Variants in DLC1 observed in about 807,000 individuals in gnomAD.
DLC1 encodes rho GTPase-activating protein 7.
Under a neutral mutation model 140.3 loss-of-function variants are expected in DLC1, and 54 were observed. The ratio of observed to expected loss-of-function variants is 0.38; its 90% CI spans 0.31 to 0.48. DLC1 has a LOEUF of 0.48. Among genes scored for constraint, DLC1 ranks in the 20% least tolerant of loss-of-function variants. DLC1 has a pLI of 0.96. For missense variants in DLC1, 2,536 were observed against 1,907.0 expected, an observed-to-expected ratio of 1.33 and a Z score of -6.14; for synonymous variants, 986 against 728.1, an observed-to-expected ratio of 1.35 and a Z score of -5.70.
At chr8:13,142,944 G>C (rs1823114500) in intron 5 of DLC1, among the ~76,000 whole-genome samples, 1 of 151,870 alleles carries the variant, frequency 6.6e-6, no homozygotes, top group African/African-American at 2.4e-5. Flanking sequence ...AGCTACTTTG[G>C]AGGCTGAGGC....
At chr8:13,315,663 C>A (rs1226710273) in intron 4 of DLC1, among the ~76,000 whole-genome samples, 1 of 152,150 alleles carries the variant, frequency 6.6e-6, no homozygotes, top group Non-Finnish European at 1.5e-5. Context: ...TGACCTAAGT[C>A]CCCGTATTTT....
At chr8:13,592,196 C>G (rs983031662) in intron 1 of DLC1, among the ~76,000 whole-genome samples, 8 of 152,084 alleles carry the variant, frequency 5.3e-5, no homozygotes, top group Admixed American at 2.6e-4. Flanking sequence ...TTATATTTAT[C>G]AACTTTTAGA....
chr8:13,103,170 G>C (rs1819245966), intron 7 of DLC1, among the ~76,000 whole-genome samples: 1 of 151,928 alleles, frequency 6.6e-6, no homozygotes, highest in Non-Finnish European at 1.5e-5. Context: ...AACAAGCCGG[G>C]CCTGGTGGTG....
At chr8:13,438,089 C>G (rs554202323) in intron 2 of DLC1, among the ~76,000 whole-genome samples, 1 of 148,814 alleles carries the variant, frequency 6.7e-6, no homozygotes, top group African/African-American at 2.5e-5. Flanking sequence ...TCTTTCAATA[C>G]TTTTCTCTAA....
chr8:13,499,438 C>G lies in DLC1; in HGVS notation c.634G>C (p.Asp212His), dbSNP rs761317632. The part of the protein sequence containing the change: ...IKDAPKVNAV[D>H]TLNVKDIAPE... Reference sequence around the variant, plus strand: ...GCAATATCTTTCACGTTCAAAGTATCCACTGCATTTACTTTGGGTGCATCT... The same window carrying G: ...GCAATATCTTTCACGTTCAAAGTATGCACTGCATTTACTTTGGGTGCATCT... Residue 212 changes from aspartate to histidine, a missense_variant, in exon 2 of 18, where the codon GAT (aspartate) becomes CAT (histidine). By Grantham distance (81) the Asp-to-His change is moderately conservative. Coordinates refer to ENST00000276297, the MANE Select transcript of DLC1 (RefSeq NM_182643.3). 4 of 1,613,948 alleles carry G rather than the reference C, an allele frequency of 2.5e-6. No homozygotes were observed. Among genetic ancestry groups the G allele is most frequent in the Non-Finnish European group, 3.4e-6 (4 of 1,179,974 alleles).
Position 13,086,263 on chromosome 8 carries a change from T to C in DLC1, c.4466+27A>G, listed in dbSNP as rs376758747. The C allele has an allele frequency of 5.6e-6, 9 of 1,602,538 alleles. No homozygotes were observed. The African/African-American group carries it at 9.4e-5, about 17-fold the overall frequency. On this transcript the variant is annotated intron_variant, in intron 17 of 17. Coordinates refer to ENST00000276297, the MANE Select transcript of DLC1 (RefSeq NM_182643.3). ...AGAATTTCCTTCATGACCCTCACCA[T>C]ATAAAAAAATCAGAATCAGAACATA...
chr8:13,095,179 G>T lies in DLC1; in HGVS notation c.3234C>A (p.Val1078=). The change falls in exon 11 of 18, where the codon GTC becomes GTA. Residue 1078 remains valine, a synonymous_variant. Coordinates refer to ENST00000276297, the MANE Select transcript of DLC1 (RefSeq NM_182643.3). The stretch of plus-strand genomic sequence containing the variant: ...TGCGCTGCACGTTGACCGTCAGTGG[G>T]ACCCCAAACACACTCCGGTCCTTGT... ...PDYKDRSVFG[V]PLTVNVQRTG... is the part of the protein sequence containing the mutation. The T allele has an allele frequency of 6.2e-7, 1 of 1,614,216 alleles. No homozygotes were observed. The highest frequency in any genetic ancestry group is 1.3e-5 in the African/African-American group (1 of 75,054).
intron 5 of DLC1, among the ~76,000 whole-genome samples, chr8:13,244,253 C>T (rs1382209630): frequency 6.6e-6 from 1 of 151,998 alleles, no homozygotes; most frequent in African/African-American, 2.4e-5. Flanking sequence ...AGATCTCTGC[C>T]TGTCAGTATG....
At chr8:13,100,939 C>G (rs1169467268) in intron 8 of DLC1, 169 bp from the exon 9 acceptor site, 3 of 702,708 alleles carry the variant, frequency 4.3e-6, no homozygotes, top group African/African-American at 3.8e-5. Flanking sequence ...TAGGGTCTCA[C>G]TCTGTTGTAC....
chr8:13,140,352 C>T (rs537860564), intron 5 of DLC1, among the ~76,000 whole-genome samples: 1 of 152,238 alleles, frequency 6.6e-6, no homozygotes, highest in Admixed American at 6.5e-5. Flanking sequence ...CCCACCTCAG[C>T]CTCTGGAGTA....
chr8:13,130,244 TC>T (rs1821966346), intron 5 of DLC1, among the ~76,000 whole-genome samples: 1 of 152,232 alleles, frequency 6.6e-6, no homozygotes, highest in Admixed American at 6.5e-5. Context: ...CCTCTTGGAA[TC>T]TCACCAAGCC....
At chr8:13,093,790 C>T (rs772453454) in intron 12 of DLC1, among the ~76,000 whole-genome samples, 1 of 152,250 alleles carries the variant, frequency 6.6e-6, no homozygotes, top group Non-Finnish European at 1.5e-5. Flanking sequence ...TGTGCCAATC[C>T]TAGAGACAAT....
chr8:13,554,118 G>C (rs1172483797), intron 1 of DLC1, among the ~76,000 whole-genome samples: 4 of 152,102 alleles, frequency 2.6e-5, no homozygotes, highest in Admixed American at 2.6e-4. Context: ...CCAGGTTGGA[G>C]TGCAATGGCA....
At chr8:13,217,863 A>C (rs544727742) in intron 5 of DLC1, among the ~76,000 whole-genome samples, 145 of 151,720 alleles carry the variant, frequency 9.6e-4, no homozygotes, top group South Asian at 1.9e-3. Context: ...ACAAAAAAAA[A>C]CCAACCAACT....
At chr8:13,334,935 T>C (rs982462618) in intron 4 of DLC1, among the ~76,000 whole-genome samples, 3 of 152,222 alleles carry the variant, frequency 2.0e-5, no homozygotes, top group African/African-American at 4.8e-5. Flanking sequence ...AAATAGGGAC[T>C]GCTATTGTGA....
At chr8:13,325,176 C>A (rs1421949334) in intron 4 of DLC1, among the ~76,000 whole-genome samples, 2 of 152,150 alleles carry the variant, frequency 1.3e-5, no homozygotes, top group African/African-American at 4.8e-5. Flanking sequence ...AAAGAGAAAT[C>A]TCAGAAGTTG....
intron 5 of DLC1, among the ~76,000 whole-genome samples, chr8:13,235,440 AAT>A (rs749055160): frequency 3.3e-4 from 50 of 152,178 alleles, no homozygotes; most frequent in Non-Finnish European, 6.6e-4. Flanking sequence ...GTGTATATTC[AAT>A]ATCTCTCTTC....
At chr8:13,426,112 AATTATT>A (rs145396626) in intron 2 of DLC1, among the ~76,000 whole-genome samples, 1 of 151,796 alleles carries the variant, frequency 6.6e-6, no homozygotes, top group African/African-American at 2.4e-5. Context: ...CCTGTATGGC[AATTATT>A]ATTATTATTA....
chr8:13,172,040 A>G (rs557848629), intron 5 of DLC1, among the ~76,000 whole-genome samples: 2 of 152,358 alleles, frequency 1.3e-5, no homozygotes, highest in South Asian at 4.1e-4. Flanking sequence ...TAAAAAGTCG[A>G]TCATTATAAT....
Sources: gnomAD v4.1 joint callset for allele counts (sites outside exome capture counted in the v4.1 genomes callset) on GRCh38, gnomAD v4.1.1 for gene constraint, MANE v1.5 for transcripts, NCBI Gene and HGNC (gene_info 2026-07-23, HGNC 2026-07-21) for gene names.